Variants in IKZF2 observed in about 807,000 individuals in gnomAD.
IKZF2 encodes IKAROS family zinc finger 2.
In IKZF2, 15 loss-of-function variants were observed where a neutral mutation model predicts 49.2. The ratio of observed to expected loss-of-function variants is 0.30; its 90% confidence interval spans 0.20 to 0.47. The LOEUF is 0.47. Among genes scored for constraint, IKZF2 ranks in the 20% least tolerant of loss-of-function variants. The pLI, the probability that IKZF2 is intolerant of heterozygous loss-of-function variation, is 1.00. For synonymous variants in IKZF2, 227 were observed against 221.4 expected (o/e 1.03, Z -0.23); for missense variants, 567 against 664.6 (o/e 0.85, Z 1.61).
At chr2:213,125,528 A>G (rs955286440) in intron 4 of IKZF2, among the ~76,000 whole-genome samples, 1 of 152,200 alleles carries the variant, frequency 6.6e-6, no homozygotes, top group Admixed American at 6.5e-5. Context: ...AGACACTCAC[A>G]TATTACTAGT....
chr2:213,136,409 G>GA (rs2060678631), intron 4 of IKZF2, among the ~76,000 whole-genome samples: 1 of 98,820 alleles, frequency 1.0e-5, no homozygotes, highest in Non-Finnish European at 2.4e-5. Flanking sequence ...AAAAAGAAAA[G>GA]AAAAAAGAAA....
At chr2:213,057,180 C>A in intron 4 of IKZF2, 81 bp from the exon 5 acceptor site, 1 of 1,230,224 alleles carries the variant, frequency 8.1e-7, no homozygotes, top group African/African-American at 1.5e-5. Flanking sequence ...TCATTGTCAT[C>A]CTACTAAATG....
chr2:213,091,849 C>T (rs947479477), intron 4 of IKZF2, among the ~76,000 whole-genome samples: 9 of 151,806 alleles, frequency 5.9e-5, no homozygotes, highest in African/African-American at 9.7e-5. Flanking sequence ...TCTTCCCTTA[C>T]ATTTTCCAAT....
Position 213,095,683 on chromosome 2 carries a change from T to C in IKZF2, c.140-38584A>G, listed in dbSNP as rs534438634. Among the ~76,000 whole-genome samples, 5 of 152,236 alleles carry C rather than the reference T, an allele frequency of 3.3e-5. No homozygotes were observed. In the South Asian group the frequency reaches 8.3e-4, roughly 25 times the overall value. ...TTAAATCTAGTTTTACTGAAGTTTC[T>C]TATGGTAGAAATGTGTGTTAATGAA... On this transcript the variant is annotated intron_variant, in intron 4 of 8. Transcript: ENST00000434687.
chr2:213,056,300 C>A (rs1701145845), intron 5 of IKZF2, among the ~76,000 whole-genome samples: 1 of 152,110 alleles, frequency 6.6e-6, no homozygotes, highest in African/African-American at 2.4e-5. Context: ...TTATAACCAA[C>A]AATTACAGAA....
chr2:213,064,582 G>A (rs948571723), intron 4 of IKZF2, among the ~76,000 whole-genome samples: 8 of 151,978 alleles, frequency 5.3e-5, no homozygotes, highest in South Asian at 4.2e-4. Context: ...ATTTTTTGGC[G>A]GACAACTAGT....
chr2:213,120,481 G>C (rs1342095638), intron 4 of IKZF2, among the ~76,000 whole-genome samples: 1 of 152,204 alleles, frequency 6.6e-6, no homozygotes, highest in African/African-American at 2.4e-5. Flanking sequence ...CTGAAGCACA[G>C]TATATGTGAA....
At chr2:213,134,191 G>A (rs113587871) in intron 4 of IKZF2, among the ~76,000 whole-genome samples, 3 of 152,242 alleles carry the variant, frequency 2.0e-5, no homozygotes, top group South Asian at 2.1e-4. Context: ...AAAAACCAGC[G>A]ATCAGAGGAC....
At chr2:213,051,370 G>C (rs949651964) in intron 5 of IKZF2, among the ~76,000 whole-genome samples, 1 of 151,742 alleles carries the variant, frequency 6.6e-6, no homozygotes, top group Non-Finnish European at 1.5e-5. Flanking sequence ...GGTGTGGTGG[G>C]GGTTAAGGTT....
intron 6 of IKZF2, among the ~76,000 whole-genome samples, chr2:213,042,063 C>T (rs772497105): frequency 1.3e-4 from 20 of 152,080 alleles, no homozygotes; most frequent in Non-Finnish European, 2.1e-4. Context: ...GACTTGACAA[C>T]GTCCCATAGC....
chr2:213,150,296 T>A (rs1553605914), intron 1 of IKZF2, 49 bp from the exon 2 acceptor site: 34 of 690,196 alleles, frequency 4.9e-5, no homozygotes, highest in South Asian at 4.6e-4. Context: ...TGTTTCCCCC[T>A]TCTCTCTTTC....
Position 213,049,744 on chromosome 2 carries a change from G to A in IKZF2, c.543C>T (p.Asp181=), listed in dbSNP as rs765684874. Residue 181 remains aspartate (D), a synonymous_variant, in exon 6 of 9, where the codon GAC becomes GAT. Coordinates refer to ENST00000434687, the MANE Select transcript of IKZF2 (RefSeq NM_001387220.1). ...PFCSYACRRR[D]ALTGHLRTHS... ...GGGTCCTGAGGTGTCCTGTGAGGGC[G>A]TCCCTTCTTCTACAGGCGTAGCTAC... is the stretch of plus-strand genomic sequence containing the variant. The A allele has an allele frequency of 6.8e-6, 11 of 1,607,260 alleles. No individual in the cohort carries two copies. The highest frequency in any genetic ancestry group is 2.2e-5 in the East Asian group (1 of 44,746).
chr2:213,035,229 AT>A (rs1698886101), intron 6 of IKZF2, among the ~76,000 whole-genome samples: 1 of 150,590 alleles, frequency 6.6e-6, no homozygotes, highest in Non-Finnish European at 1.5e-5. Flanking sequence ...TTAACACACA[AT>A]AAATGATCAA....
intron 7 of IKZF2, among the ~76,000 whole-genome samples, chr2:213,017,990 T>G (rs1559167687): frequency 6.6e-6 from 1 of 152,084 alleles, no homozygotes; most frequent in Non-Finnish European, 1.5e-5. Context: ...AGTTTGGGGG[T>G]GCCCAATAAT....
chr2:213,021,964 T>C, intron 7 of IKZF2, 29 bp downstream of exon 7: 2 of 1,587,558 alleles, frequency 1.3e-6, no homozygotes, highest in Non-Finnish European at 1.7e-6. Flanking sequence ...TAGGGGGAAA[T>C]AAAAATGATG....
intron 6 of IKZF2, among the ~76,000 whole-genome samples, chr2:213,042,759 ATG>A (rs1699786992): frequency 6.6e-6 from 1 of 152,176 alleles, no homozygotes. Flanking sequence ...ACTAAAGATA[ATG>A]TGTTATGGGT....
intron 4 of IKZF2, among the ~76,000 whole-genome samples, chr2:213,058,348 G>C (rs1701363655): frequency 6.6e-6 from 1 of 152,068 alleles, no homozygotes; most frequent in Non-Finnish European, 1.5e-5. Context: ...AACGAGGATA[G>C]TGAGGAACTT....
chr2:213,131,498 C>T (rs987643397), intron 4 of IKZF2, among the ~76,000 whole-genome samples: 7 of 152,082 alleles, frequency 4.6e-5, no homozygotes, highest in Admixed American at 1.3e-4. Context: ...ATACCTCTGA[C>T]CTGTTTGTAT....
intron 7 of IKZF2, among the ~76,000 whole-genome samples, chr2:213,018,018 A>G (rs1481623087): frequency 1.3e-5 from 2 of 152,176 alleles, no homozygotes; most frequent in Non-Finnish European, 2.9e-5. Context: ...TACTGTGAAA[A>G]AGAACCTCCC....
Sources: gnomAD v4.1 joint callset for allele counts (sites outside exome capture counted in the v4.1 genomes callset) on GRCh38, gnomAD v4.1.1 for gene constraint, MANE v1.5 for transcripts, NCBI Gene and HGNC (gene_info 2026-07-23, HGNC 2026-07-21) for gene names.